KIF13A: variants seen among roughly 807,000 people sequenced by gnomAD.
KIF13A encodes kinesin-like protein KIF13A.
In KIF13A, 79 loss-of-function variants were observed where a neutral mutation model predicts 212.2. The observed-to-expected ratio is 0.37, with a 90% confidence interval of 0.31 to 0.45. The LOEUF (loss-of-function observed/expected upper bound fraction) is 0.45. KIF13A is among the 20% of genes least tolerant of loss of function. The pLI is 1.00. For missense variants in KIF13A, 1,901 were observed against 2,209.0 expected (o/e 0.86, Z 2.79); for synonymous variants, 789 against 808.6 (o/e 0.98, Z 0.41).
chr6:17,760,646 C>G (rs1758542197), downstream of KIF13A: 1 of 590,156 alleles, frequency 1.7e-6, no homozygotes. Context: ...AAAGCAGAGG[C>G]TGTTGATTCA....
chr6:17,801,263 G>A (rs71556141), intron 20 of KIF13A, among the ~76,000 whole-genome samples: 3 of 151,888 alleles, frequency 2.0e-5, no homozygotes, highest in Admixed American at 1.3e-4. Context: ...AGGCCGAGGC[G>A]GGTGGATCAC....
intron 2 of KIF13A, among the ~76,000 whole-genome samples, chr6:17,916,832 A>G (rs950478392): frequency 6.6e-6 from 1 of 152,176 alleles, no homozygotes; most frequent in Non-Finnish European, 1.5e-5. Flanking sequence ...TTCTCCTATT[A>G]ATATAACCCT....
rs1402241490 is a variant in KIF13A at position 17,835,222 on chromosome 6, A to G, written c.1156-1151T>C. ...AAAAAAAAAAAAAAAAAAAAAAAAA[A>G]AAAAAAAAAAAAAAAAAGAAACAGA... is the stretch of plus-strand genomic sequence containing the variant. On this transcript the variant is annotated intron_variant, in intron 11 of 38. Coordinates refer to ENST00000259711, the MANE Select transcript of KIF13A (RefSeq NM_022113.6). Among the ~76,000 whole-genome samples the G allele has an allele frequency of 6.1e-4, 59 of 96,918 alleles. 2 individuals carry two copies. The highest frequency in any genetic ancestry group is 1.3e-3 in the African/African-American group (22 of 17,020). 63.6% of individuals were successfully genotyped at this position (96,918 alleles called of 152,430 possible).
rs1160389964 is a variant in KIF13A at position 17,776,267 on chromosome 6, ACTCT to A, written c.4170+1006_4170+1009del. ...TATATATTTCCTAATAGTAGCCCTC[ACTCT>A]CTCATTTTTTCTACTGTCTAGTATT... is the stretch of plus-strand genomic sequence containing the variant. On this transcript the variant is annotated intron_variant, in intron 34 of 38. Transcript: ENST00000259711. This position sits in a 1 kb window ranked among gnomAD's most constrained non-coding sequence, Gnocchi z 4.6. Among the ~76,000 whole-genome samples, 1 of 151,882 alleles carries A rather than the reference ACTCT, an allele frequency of 6.6e-6. No homozygotes were observed. The highest frequency in any genetic ancestry group is 1.5e-5 in the Non-Finnish European group (1 of 67,980).
intron 2 of KIF13A, among the ~76,000 whole-genome samples, chr6:17,902,069 T>C (rs762161201): frequency 2.0e-5 from 3 of 152,318 alleles, no homozygotes; most frequent in Non-Finnish European, 2.9e-5. Context: ...CAGACTACTG[T>C]TGAGATACCT....
chr6:17,781,623 GTTT>G (rs776138365), intron 29 of KIF13A, among the ~76,000 whole-genome samples: 5 of 107,072 alleles, frequency 4.7e-5, no homozygotes, highest in East Asian at 5.7e-4. Context: ...CTGTACTTGG[GTTT>G]TTTTTTTTTT....
At chr6:17,923,581 G>A (rs530724874) in intron 2 of KIF13A, among the ~76,000 whole-genome samples, 27 of 151,264 alleles carry the variant, frequency 1.8e-4, no homozygotes, top group Admixed American at 1.3e-3. Flanking sequence ...TCATGTTTGC[G>A]GAAAGATAAT....
intron 4 of KIF13A, among the ~76,000 whole-genome samples, chr6:17,857,734 A>T (rs1768277410): frequency 6.6e-6 from 1 of 152,210 alleles, no homozygotes; most frequent in Non-Finnish European, 1.5e-5. Context: ...GACATTCTGA[A>T]GGAAAACTTG....
At chr6:17,806,086 T>C (rs1762921383) in intron 18 of KIF13A, among the ~76,000 whole-genome samples, 1 of 151,926 alleles carries the variant, frequency 6.6e-6, no homozygotes. Context: ...TGACTGACTA[T>C]TTTTTATTTT....
intron 2 of KIF13A, among the ~76,000 whole-genome samples, chr6:17,922,734 G>A (rs555286971): frequency 1.3e-5 from 2 of 151,260 alleles, no homozygotes; most frequent in Non-Finnish European, 3.0e-5. Context: ...CTAGATAGAG[G>A]GTATGTGGAT....
intron 4 of KIF13A, among the ~76,000 whole-genome samples, chr6:17,860,340 C>T (rs562263414): frequency 6.6e-6 from 1 of 152,048 alleles, no homozygotes; most frequent in Non-Finnish European, 1.5e-5. Context: ...AGGGGCCCAC[C>T]ACCAAGTCCA....
At chr6:17,958,401 A>G (rs1257515186) in intron 2 of KIF13A, among the ~76,000 whole-genome samples, 3 of 152,244 alleles carry the variant, frequency 2.0e-5, no homozygotes, top group African/African-American at 7.2e-5. Context: ...TGTTCTGGAC[A>G]GCACACATCT....
Position 17,886,093 on chromosome 6 carries a change from T to C in KIF13A, c.159+12075A>G, listed in dbSNP as rs1160359368. Reference sequence around the variant, plus strand: ...AAATGTCTAAGCATCTGCTATCAGATCCTATCTGCTATCTCTGATAAATGA... The same window carrying C: ...AAATGTCTAAGCATCTGCTATCAGACCCTATCTGCTATCTCTGATAAATGA... On this transcript the variant is annotated intron_variant, in intron 3 of 38. Coordinates refer to ENST00000259711, the MANE Select transcript of KIF13A (RefSeq NM_022113.6). The surrounding 1 kb of genome is among the most constrained non-coding windows in gnomAD (Gnocchi z 5.6). 6.6e-6 allele frequency among the ~76,000 whole-genome samples: 1 copy of C among 152,206 alleles called. No homozygotes were observed. The highest frequency in any genetic ancestry group is 1.5e-5 in the Non-Finnish European group (1 of 68,040).
At chr6:17,882,943 A>G (rs531293368) in intron 3 of KIF13A, among the ~76,000 whole-genome samples, 1 of 152,312 alleles carries the variant, frequency 6.6e-6, no homozygotes, top group Non-Finnish European at 1.5e-5. Context: ...ATGTGTGTAT[A>G]TATATGTATA....
chr6:17,813,974 A>AC, intron 17 of KIF13A, among the ~76,000 whole-genome samples: 1 of 107,920 alleles, frequency 9.3e-6, no homozygotes, highest in Non-Finnish European at 1.8e-5. Flanking sequence ...TTTTTTTGAG[A>AC]TGGAGTCTTG....
chr6:17,836,952 C>G lies in KIF13A; in HGVS notation c.1081G>C (p.Asp361His). 6.2e-7 allele frequency: 1 copy of G among 1,613,924 alleles called. No homozygotes were observed. The highest frequency in any genetic ancestry group is 8.5e-7 in the Non-Finnish European group (1 of 1,179,886). The stretch of plus-strand genomic sequence containing the variant: ...TCTCGGATCACTTTTGCGTTGGGGT[C>G]CTCATTCACAACAGCATGGTTCACA... ...RIVNHAVVNE[D>H]PNAKVIRELR... The change falls in exon 11 of 39, where the codon GAC becomes CAC. Residue 361 changes from aspartate to histidine, a missense_variant. Around this residue, in one of 5 missense-constraint regions of KIF13A, gnomAD observed 506 missense variants for 637.4 expected, o/e 0.79. Coordinates refer to ENST00000259711, the MANE Select transcript of KIF13A (RefSeq NM_022113.6).
At chr6:17,983,555 C>T (rs1355664675) in intron 2 of KIF13A, among the ~76,000 whole-genome samples, 2 of 149,994 alleles carry the variant, frequency 1.3e-5, no homozygotes, top group African/African-American at 2.5e-5. Context: ...TGCAGTAGCA[C>T]GATCTCAGCT....
chr6:17,861,960 A>T (rs1768838714), intron 4 of KIF13A, among the ~76,000 whole-genome samples: 1 of 151,220 alleles, frequency 6.6e-6, no homozygotes, highest in African/African-American at 2.4e-5. Context: ...ATCCTTTTTC[A>T]CCCCCAAATT....
rs559001988 is a variant in KIF13A, at chr6:17,787,274, A to C, written c.3361+502T>G. Among the ~76,000 whole-genome samples the C allele has an allele frequency of 3.5e-3, 533 of 152,372 alleles. 2 individuals carry two copies. The highest frequency in any genetic ancestry group is 0.012 in the African/African-American group (514 of 41,586). On this transcript the variant is annotated intron_variant, in intron 27 of 38. Coordinates refer to ENST00000259711, the MANE Select transcript of KIF13A (RefSeq NM_022113.6). The surrounding 1 kb of genome is among the most constrained non-coding windows in gnomAD (Gnocchi z 4.6). ...TATGAGATAATTCTGAGTTTTATGAAAACTTACTACTTTCAAATTTGGAGG... is the reference window on the plus strand; with the variant it reads ...TATGAGATAATTCTGAGTTTTATGACAACTTACTACTTTCAAATTTGGAGG...
Sources: allele counts gnomAD v4.1 joint callset (sites outside exome capture counted in the v4.1 genomes callset), GRCh38; gene constraint gnomAD v4.1.1; regional missense constraint gnomAD v4.1.1; non-coding constraint Gnocchi (gnomAD v3.1); transcripts MANE v1.5; gene names NCBI Gene and HGNC (gene_info 2026-07-23, HGNC 2026-07-21).